The following TSPAN9 variants were observed in gnomAD, a reference collection of about 807,000 sequenced individuals.
The protein encoded by TSPAN9 is tetraspanin-9.
A neutral mutation model predicts 31.0 loss-of-function variants in TSPAN9; 16 were observed. That is an observed-to-expected ratio of 0.52 (90% CI 0.35 to 0.78). TSPAN9 has a LOEUF of 0.78. Ranked by LOEUF, TSPAN9 falls within the 30% of genes least tolerant of loss-of-function variation. The pLI, the probability that TSPAN9 is intolerant of heterozygous loss-of-function variation, is 0.01. For synonymous variants in TSPAN9, 145 were observed against 121.6 expected, an observed-to-expected ratio of 1.19 and a Z score of -1.27; for missense variants, 272 against 312.5, an observed-to-expected ratio of 0.87 and a Z score of 0.98.
rs6489451 is a variant in TSPAN9, at chr12:3,284,337, G to A, written c.*1221G>A. ...GGGACCCACAGGGGTGAGGACCCAC[G>A]GTCCTCCCCGCCAGCCTTGCTCAGC... On this transcript the variant is annotated 3_prime_UTR_variant, in exon 9 of 9. Coordinates refer to ENST00000011898, the MANE Select transcript of TSPAN9 (RefSeq NM_006675.5). 92,451 of 152,082 alleles carry A rather than the reference G, an allele frequency of 0.61. 28,632 individuals are homozygous for A. Among genetic ancestry groups the A allele is most frequent in the South Asian group, 0.69 (3,306 of 4,826 alleles). 9.4% of individuals were successfully genotyped at this position (152,082 alleles called of 1,614,324 possible).
intron 2 of TSPAN9, among the ~76,000 whole-genome samples, chr12:3,112,910 G>C (rs970904269): frequency 6.6e-6 from 1 of 151,790 alleles, no homozygotes; most frequent in South Asian, 2.1e-4. Context: ...CGAACTCCTG[G>C]CTCCTGCAAT....
rs145201841 is a variant in TSPAN9, at chr12:3,163,267, G to A, written c.-17-37910G>A. On this transcript the variant is annotated intron_variant, in intron 2 of 8. Coordinates refer to ENST00000011898, the MANE Select transcript of TSPAN9 (RefSeq NM_006675.5). ...AAGCCTGCCAACTGTTCAAGGGCCA[G>A]CTTAAATGTCTTGTCTATAAGCCCC... 8.5e-5 allele frequency among the ~76,000 whole-genome samples: 13 copies of A among 152,324 alleles called. No homozygotes were observed. The East Asian group carries it at 2.5e-3, about 29-fold the overall frequency.
At chr12:3,260,541 T>C (rs905114782) in intron 3 of TSPAN9, among the ~76,000 whole-genome samples, 2 of 152,194 alleles carry the variant, frequency 1.3e-5, no homozygotes, top group African/African-American at 4.8e-5. Flanking sequence ...TGTGAAAACA[T>C]AGTTCAGCTC....
chr12:3,206,452 C>A, intron 3 of TSPAN9: 1 of 432,200 alleles, frequency 2.3e-6, no homozygotes, highest in Non-Finnish European at 4.8e-6. Flanking sequence ...AGCAGCAGGC[C>A]TGCACCCAGA....
intron 2 of TSPAN9, among the ~76,000 whole-genome samples, chr12:3,146,523 C>G (rs772426247): frequency 2.0e-5 from 3 of 152,212 alleles, no homozygotes; most frequent in Non-Finnish European, 4.4e-5. Context: ...TCATGGAATC[C>G]AAGATCCGAT....
At chr12:3,113,576 T>G (rs1341876667) in intron 2 of TSPAN9, among the ~76,000 whole-genome samples, 1 of 152,238 alleles carries the variant, frequency 6.6e-6, no homozygotes, top group African/African-American at 2.4e-5. Flanking sequence ...TGATGAACTC[T>G]TCCATCTTCT....
chr12:3,132,779 A>G (rs556297720), intron 2 of TSPAN9, among the ~76,000 whole-genome samples: 1 of 151,950 alleles, frequency 6.6e-6, no homozygotes, highest in East Asian at 1.9e-4. Flanking sequence ...CAGCCCATGA[A>G]GCTTCCCAGG....
intron 2 of TSPAN9, among the ~76,000 whole-genome samples, chr12:3,164,831 G>A (rs1039310669): frequency 2.0e-5 from 3 of 152,218 alleles, no homozygotes; most frequent in African/African-American, 7.2e-5. Flanking sequence ...GTCCTGTCTT[G>A]GGTAGAGTAA....
At chr12:3,279,953 G>A (rs1427269851) in intron 5 of TSPAN9, among the ~76,000 whole-genome samples, 1 of 151,652 alleles carries the variant, frequency 6.6e-6, no homozygotes, top group Non-Finnish European at 1.5e-5. Context: ...CACATGACCT[G>A]TCTTCCTCCC....
At chr12:3,224,677 C>T (rs113457396) in intron 3 of TSPAN9, among the ~76,000 whole-genome samples, 5 of 152,238 alleles carry the variant, frequency 3.3e-5, no homozygotes, top group Non-Finnish European at 5.9e-5. Flanking sequence ...TGAGGCCTAG[C>T]GTCTGCTCAT....
intron 2 of TSPAN9, among the ~76,000 whole-genome samples, chr12:3,158,934 C>T (rs1411912074): frequency 6.6e-6 from 1 of 151,676 alleles, no homozygotes; most frequent in Non-Finnish European, 1.5e-5. Flanking sequence ...GGAACGTACT[C>T]CTCCTTTGCC....
chr12:3,262,285 C>T (rs185393169), intron 3 of TSPAN9, among the ~76,000 whole-genome samples: 4 of 152,100 alleles, frequency 2.6e-5, no homozygotes, highest in African/African-American at 9.6e-5. Context: ...AAAAGTCACT[C>T]TTTTGAGAGC....
intron 2 of TSPAN9, among the ~76,000 whole-genome samples, chr12:3,127,488 T>C (rs867206940): frequency 4.6e-5 from 7 of 152,126 alleles, no homozygotes; most frequent in South Asian, 2.1e-4. Context: ...CCCGAGCAGC[T>C]GGGACTACAG....
At chr12:3,214,454 C>T (rs907809249) in intron 3 of TSPAN9, among the ~76,000 whole-genome samples, 4 of 152,250 alleles carry the variant, frequency 2.6e-5, no homozygotes, top group Admixed American at 6.5e-5. Context: ...CTGCCTGCCG[C>T]GGGGCTGGGT....
chr12:3,188,826 A>G lies in TSPAN9; in HGVS notation c.-17-12351A>G, dbSNP rs139383259. 1.1e-3 allele frequency among the ~76,000 whole-genome samples: 163 copies of G among 151,418 alleles called. 1 individual carries two copies. In the East Asian group the frequency reaches 0.03, roughly 28 times the overall value. ...ATGGTGGTGATCTATCAAGGTGAAT[A>G]CCTCCCAGATAGGCCGAGGGCAGTG... On this transcript the variant is annotated intron_variant, in intron 2 of 8. Coordinates refer to ENST00000011898, the MANE Select transcript of TSPAN9 (RefSeq NM_006675.5).
At chr12:3,254,335 C>A (rs1277316946) in intron 3 of TSPAN9, among the ~76,000 whole-genome samples, 1 of 152,220 alleles carries the variant, frequency 6.6e-6, no homozygotes, top group Non-Finnish European at 1.5e-5. Context: ...TGCCCCACCC[C>A]CTCAATGCTG....
chr12:3,244,747 G>A (rs1174415923), intron 3 of TSPAN9, among the ~76,000 whole-genome samples: 1 of 152,136 alleles, frequency 6.6e-6, no homozygotes, highest in Non-Finnish European at 1.5e-5. Context: ...AGGGTTTGTG[G>A]GGGCCAGAGC....
At chr12:3,274,646 C>G (rs1378020958) in intron 3 of TSPAN9, among the ~76,000 whole-genome samples, 1 of 152,230 alleles carries the variant, frequency 6.6e-6, no homozygotes, top group African/African-American at 2.4e-5. Context: ...TGGGGACTTC[C>G]TTGTCCCCCC....
chr12:3,179,829 G>A (rs1417595500), intron 2 of TSPAN9, among the ~76,000 whole-genome samples: 1 of 152,194 alleles, frequency 6.6e-6, no homozygotes, highest in Non-Finnish European at 1.5e-5. Context: ...CTGGCAGATA[G>A]TGGTGAGATT....
Sources: allele counts gnomAD v4.1 joint callset (sites outside exome capture counted in the v4.1 genomes callset), GRCh38; gene constraint gnomAD v4.1.1; transcripts MANE v1.5; gene names NCBI Gene and HGNC (gene_info 2026-07-23, HGNC 2026-07-21).